RAB8B: variants seen among roughly 807,000 people sequenced by gnomAD.
RAB8B encodes ras-related protein Rab-8B.
RAB8B carries 11 observed loss-of-function variants against 32.0 expected under a neutral mutation model. The ratio of observed to expected loss-of-function variants is 0.34; its 90% confidence interval spans 0.22 to 0.57. RAB8B has a LOEUF of 0.57. Among genes scored for constraint, RAB8B ranks in the 20% least tolerant of loss-of-function variants. RAB8B has a pLI of 0.86. For missense variants in RAB8B, 190 were observed against 258.5 expected (o/e 0.73, Z 1.82); for synonymous variants, 103 against 89.6 (o/e 1.15, Z -0.85).
rs2038243465 is a variant in RAB8B at position 63,266,029 on chromosome 15, A to T, written c.*2410A>T. ...TTCTGCATGATAAAATGACCCAATA[A>T]ATATTCCACTTTGCTTAATAATGTA... On this transcript the variant is annotated 3_prime_UTR_variant, in exon 8 of 8. Coordinates refer to ENST00000321437, the MANE Select transcript of RAB8B (RefSeq NM_016530.3). 1 of 152,610 alleles carries T rather than the reference A, an allele frequency of 6.6e-6. No homozygotes were observed. The highest frequency in any genetic ancestry group is 1.5e-5 in the Non-Finnish European group (1 of 68,006). 9.5% of individuals were successfully genotyped at this position (152,610 alleles called of 1,614,324 possible).
chr15:63,259,312 G>A lies in RAB8B; in HGVS notation c.415-315G>A, dbSNP rs147243008. 1.3e-5 allele frequency among the ~76,000 whole-genome samples: 2 copies of A among 152,018 alleles called. No homozygotes were observed. Among genetic ancestry groups the A allele is most frequent in the East Asian group, 1.9e-4 (1 of 5,166 alleles). On this transcript the variant is annotated intron_variant, in intron 5 of 7. Transcript: ENST00000321437. The surrounding 1 kb of genome is among the most constrained non-coding windows in gnomAD (Gnocchi z 4.4). ...TTTTTTGTATTTTTAGTAGAGGCGG[G>A]GTTTCATCATGTTAGCAAGGAGGGT... is the stretch of plus-strand genomic sequence containing the variant.
At chr15:63,250,507 A>AATCCAGGCATTTTCCTTGCTGT (rs2038109163) in intron 3 of RAB8B, among the ~76,000 whole-genome samples, 1 of 152,116 alleles carries the variant, frequency 6.6e-6, no homozygotes, top group Admixed American at 6.6e-5. Context: ...TTATTTGCTG[A>AATCCAGGCATTTTCCTTGCTGT]ATCCAGGCAT....
At chr15:63,252,661 C>T (rs1268182549) in intron 3 of RAB8B, among the ~76,000 whole-genome samples, 2 of 151,936 alleles carry the variant, frequency 1.3e-5, no homozygotes, top group Non-Finnish European at 2.9e-5. Context: ...GCAGAATCCA[C>T]TTTGAATTGT....
chr15:63,258,929 G>T (rs538806518), intron 5 of RAB8B, among the ~76,000 whole-genome samples: 1 of 152,190 alleles, frequency 6.6e-6, no homozygotes, highest in East Asian at 1.9e-4. Flanking sequence ...CTGTACTTTT[G>T]TTACTTGGGC....
intron 3 of RAB8B, among the ~76,000 whole-genome samples, chr15:63,255,086 A>G (rs1476092065): frequency 3.9e-5 from 6 of 152,228 alleles, no homozygotes; most frequent in African/African-American, 4.8e-5. Context: ...TGTGGTCTCA[A>G]TCTTAGTAGA....
intron 1 of RAB8B, among the ~76,000 whole-genome samples, chr15:63,197,370 CT>C (rs58765418): frequency 0.052 from 3,190 of 61,498 alleles, 39 homozygotes; most frequent in East Asian, 0.14. Context: ...TCTTTCTTTT[CT>C]TTTTTTTTTT....
At chr15:63,193,680 G>A (rs1048289107) in intron 1 of RAB8B, among the ~76,000 whole-genome samples, 1 of 151,932 alleles carries the variant, frequency 6.6e-6, no homozygotes, top group Non-Finnish European at 1.5e-5. Context: ...GGGTGGCAGC[G>A]GGCACCTGTA....
At chr15:63,232,735 GT>G (rs1316024826) in intron 1 of RAB8B, among the ~76,000 whole-genome samples, 1 of 151,830 alleles carries the variant, frequency 6.6e-6, no homozygotes, top group Non-Finnish European at 1.5e-5. Context: ...CTGACCATTT[GT>G]CCCCCTTAAA....
rs116344754 is a variant in RAB8B at position 63,225,746 on chromosome 15, G to A, written c.125-19010G>A. On this transcript the variant is annotated intron_variant, in intron 1 of 7. Coordinates refer to ENST00000321437, the MANE Select transcript of RAB8B (RefSeq NM_016530.3). ...ATTGTTGTATTCCTCAGTGCCTAGCGTAGTGTCAGGCTCATGGAGGTGCCC... is the reference window on the plus strand; with the variant it reads ...ATTGTTGTATTCCTCAGTGCCTAGCATAGTGTCAGGCTCATGGAGGTGCCC... Among the ~76,000 whole-genome samples the A allele has an allele frequency of 7.2e-3, 1,091 of 152,272 alleles. 11 individuals carry two copies. The highest frequency in any genetic ancestry group is 0.024 in the African/African-American group (1,007 of 41,552).
At chr15:63,202,473 C>A (rs2037661176) in intron 1 of RAB8B, among the ~76,000 whole-genome samples, 2 of 152,074 alleles carry the variant, frequency 1.3e-5, no homozygotes, top group Admixed American at 1.3e-4. Flanking sequence ...TAACTCAGGC[C>A]CTTAGGAAGC....
At chr15:63,237,706 T>C (rs2037993580) in intron 1 of RAB8B, among the ~76,000 whole-genome samples, 1 of 152,204 alleles carries the variant, frequency 6.6e-6, no homozygotes, top group Non-Finnish European at 1.5e-5. Context: ...TGCTCATTGT[T>C]TCCTTTGCTG....
intron 1 of RAB8B, among the ~76,000 whole-genome samples, chr15:63,217,515 T>C (rs2037803615): frequency 6.6e-6 from 1 of 152,192 alleles, no homozygotes; most frequent in African/African-American, 2.4e-5. Flanking sequence ...TTGACCAAGT[T>C]TGGAGAGTCA....
intron 2 of RAB8B, among the ~76,000 whole-genome samples, chr15:63,245,676 G>A (rs2038064922): frequency 6.6e-6 from 1 of 152,246 alleles, no homozygotes; most frequent in Non-Finnish European, 1.5e-5. Flanking sequence ...CCAGTCACAA[G>A]TACAGGTTAA....
In RAB8B at chr15:63,249,695, G is replaced by A; in HGVS notation, c.236G>A (p.Arg79Lys). 2 of 1,613,762 alleles carry A rather than the reference G, an allele frequency of 1.2e-6. No homozygotes were observed. Among genetic ancestry groups the A allele is most frequent in the Non-Finnish European group, 1.7e-6 (2 of 1,179,790 alleles). ...CGAACAATCACGACAGCGTACTACA[G>A]AGGAGCCATGGTGAGTGTGTTGTAG... ...RFRTITTAYY[R>K]GAMGIMLVYD... The change falls in exon 3 of 8, where the codon AGA (arginine) becomes AAA (lysine). Residue 79 changes from arginine to lysine, a missense_variant. By Grantham distance (26) the Arg-to-Lys change is conservative. This residue lies in a region of RAB8B where 80 missense variants were observed against 142.6 expected (regional missense o/e 0.56). Coordinates refer to ENST00000321437, the MANE Select transcript of RAB8B (RefSeq NM_016530.3).
chr15:63,205,645 C>A (rs1370095022), intron 1 of RAB8B, among the ~76,000 whole-genome samples: 2 of 152,152 alleles, frequency 1.3e-5, no homozygotes, highest in Admixed American at 6.5e-5. Flanking sequence ...TATTTCTTTG[C>A]TCTGAAAACG....
At chr15:63,201,608 A>T (rs1258426048) in intron 1 of RAB8B, among the ~76,000 whole-genome samples, 1 of 152,218 alleles carries the variant, frequency 6.6e-6, no homozygotes, top group Non-Finnish European at 1.5e-5. Flanking sequence ...GGGGAGGCCA[A>T]TTAGGACGTT....
chr15:63,208,076 C>T (rs916805606), intron 1 of RAB8B, among the ~76,000 whole-genome samples: 1 of 152,194 alleles, frequency 6.6e-6, no homozygotes, highest in Non-Finnish European at 1.5e-5. Flanking sequence ...CTCTGATTAT[C>T]ATATTAATCC....
chr15:63,216,141 T>C (rs1019116632), intron 1 of RAB8B, among the ~76,000 whole-genome samples: 1 of 151,906 alleles, frequency 6.6e-6, no homozygotes, highest in African/African-American at 2.4e-5. Context: ...ATATATATTA[T>C]CTACTGTGAT....
At chr15:63,231,002 GT>G (rs2037932561) in intron 1 of RAB8B, among the ~76,000 whole-genome samples, 1 of 152,112 alleles carries the variant, frequency 6.6e-6, no homozygotes, top group African/African-American at 2.4e-5. Flanking sequence ...CTACTAAAAT[GT>G]TTATTTGTAT....
Sources: allele counts gnomAD v4.1 joint callset (sites outside exome capture counted in the v4.1 genomes callset), GRCh38; gene constraint gnomAD v4.1.1; regional missense constraint gnomAD v4.1.1; non-coding constraint Gnocchi (gnomAD v3.1); transcripts MANE v1.5; gene names NCBI Gene and HGNC (gene_info 2026-07-23, HGNC 2026-07-21).